The following SGIP1 variants were observed in gnomAD, a reference collection of about 807,000 sequenced individuals.
The protein encoded by SGIP1 is SH3GL interacting endocytic adaptor 1, also known as SH3-containing GRB2-like protein 3-interacting protein 1.
SGIP1 carries 38 observed loss-of-function variants against 107.5 expected under a neutral mutation model. That is an observed-to-expected ratio of 0.35 (90% CI 0.27 to 0.46). The LOEUF (loss-of-function observed/expected upper bound fraction) is 0.46. Ranked by LOEUF, SGIP1 falls within the 20% of genes least tolerant of loss-of-function variation. The pLI is 1.00. For synonymous variants in SGIP1, 365 were observed against 366.1 expected (o/e 1.00, Z 0.03); for missense variants, 929 against 1,019.5 (o/e 0.91, Z 1.21).
At chr1:66,677,117 G>A in intron 13 of SGIP1, 21 bp downstream of exon 13, 1 of 1,591,902 alleles carries the variant, frequency 6.3e-7, no homozygotes, top group South Asian at 1.1e-5. Context: ...TGTCTGCTCT[G>A]TCTGGAAAAA....
intron 2 of SGIP1, among the ~76,000 whole-genome samples, chr1:66,631,071 GAA>G (rs1558136861): frequency 1.4e-5 from 2 of 140,024 alleles, no homozygotes; most frequent in African/African-American, 5.0e-5. Context: ...AAGAAAGAAA[GAA>G]AGAAAGAAAG....
chr1:66,603,939 G>A (rs998384065), intron 1 of SGIP1, among the ~76,000 whole-genome samples: 5 of 152,166 alleles, frequency 3.3e-5, no homozygotes, highest in South Asian at 2.1e-4. Flanking sequence ...ACTAAGAATC[G>A]GAAAAGAGTC....
Position 66,690,250 on chromosome 1 carries a change from C to T in SGIP1, c.1504C>T (p.Arg502Trp), listed in dbSNP as rs779386487. ...SSPPPIAPLA[R>W]AESTSSISST... is the part of the protein sequence containing the mutation. ...CCCTCCTCCAATAGCACCCTTAGCG[C>T]GGGCTGAAAGCACTTCTTCAATATC... Residue 502 changes from arginine (R) to tryptophan (W), a missense_variant, in exon 17 of 25, where the codon CGG becomes TGG. Arg to Trp is a moderately radical substitution (Grantham distance 101). This residue lies in a region of SGIP1 where 341 missense variants were observed against 430.9 expected (regional missense o/e 0.79). Coordinates refer to ENST00000371037, the MANE Select transcript of SGIP1 (RefSeq NM_032291.4). 2 of 1,614,180 alleles carry T rather than the reference C, an allele frequency of 1.2e-6. No homozygotes were observed. Among genetic ancestry groups the T allele is most frequent in the Non-Finnish European group, 8.5e-7 (1 of 1,180,004 alleles).
In SGIP1 at chr1:66,747,907, T is replaced by G. The variant is rs1038857234; in HGVS notation, c.*4812T>G. The G allele has an allele frequency of 2.0e-5, 3 of 151,988 alleles. No individual in the cohort carries two copies. Among genetic ancestry groups the G allele is most frequent in the African/African-American group, 7.2e-5 (3 of 41,426 alleles). 9.4% of individuals were successfully genotyped at this position (151,988 alleles called of 1,614,324 possible). On this transcript the variant is annotated 3_prime_UTR_variant, in exon 25 of 25. Coordinates refer to ENST00000371037, the MANE Select transcript of SGIP1 (RefSeq NM_032291.4). ...CAGCAATTTTTTTAAAAAATGGAAGTGTTACATTATATTTAATAATATCAA... is the reference window on the plus strand; with the variant it reads ...CAGCAATTTTTTTAAAAAATGGAAGGGTTACATTATATTTAATAATATCAA...
intron 21 of SGIP1, among the ~76,000 whole-genome samples, chr1:66,737,915 G>A (rs554956976): frequency 2.0e-5 from 3 of 152,098 alleles, no homozygotes; most frequent in Non-Finnish European, 4.4e-5. Context: ...TTTCTGGCCC[G>A]ATAGCATCCC....
In SGIP1 at chr1:66,750,034, GGGGTGTGTGTGT is replaced by G. The variant is rs1305848616; in HGVS notation, c.*6941_*6952del. On this transcript the variant is annotated 3_prime_UTR_variant, in exon 25 of 25. Coordinates refer to ENST00000371037, the MANE Select transcript of SGIP1 (RefSeq NM_032291.4). Reference sequence around the variant, plus strand: ...CTCTCTCTTTCTCTGTGTGTGTGTGGGGGTGTGTGTGTGTGTGTGTGTGTGTGTGTGTGTCTC... The same window carrying G: ...CTCTCTCTTTCTCTGTGTGTGTGTGGGTGTGTGTGTGTGTGTGTGTGTCTC... 1.3e-3 allele frequency among the ~76,000 whole-genome samples: 116 copies of G among 92,128 alleles called. No individual in the cohort carries two copies. The Middle Eastern group carries it at 0.016, about 12-fold the overall frequency. 60.4% of individuals were successfully genotyped at this position (92,128 alleles called of 152,430 possible).
rs115123052 is a variant in SGIP1, at chr1:66,651,241, T to C, written c.459+7522T>C. ...GTGATGAATTTGGTAGTGGCAGCTG[T>C]GAACACGAGTGCTGTGTGTCACATA... On this transcript the variant is annotated intron_variant, in intron 7 of 24. Coordinates refer to ENST00000371037, the MANE Select transcript of SGIP1 (RefSeq NM_032291.4). Among the ~76,000 whole-genome samples, 1,040 of 152,314 alleles carry C rather than the reference T, an allele frequency of 6.8e-3. 8 individuals carry two copies. Among genetic ancestry groups the C allele is most frequent in the African/African-American group, 0.021 (893 of 41,568 alleles).
At chr1:66,536,784 G>A (rs1259202434) in intron 1 of SGIP1, among the ~76,000 whole-genome samples, 2 of 152,128 alleles carry the variant, frequency 1.3e-5, no homozygotes, top group Admixed American at 6.5e-5. Flanking sequence ...CACACACAGA[G>A]TCATCCACCC....
intron 1 of SGIP1, among the ~76,000 whole-genome samples, chr1:66,588,322 G>A (rs1465993069): frequency 1.3e-5 from 2 of 152,076 alleles, no homozygotes; most frequent in Non-Finnish European, 2.9e-5. Flanking sequence ...CTGACTCACT[G>A]TAGTATCTCT....
chr1:66,534,420 A>G (rs1445578), intron 1 of SGIP1, 52 bp downstream of exon 1: 285,357 of 1,606,328 alleles, frequency 0.18, 26,555 homozygotes, highest in East Asian at 0.35. Flanking sequence ...TTTGGGCAGA[A>G]CAGCATTAAA....
At chr1:66,589,163 CATATATATATATATATATATATAT>C (rs55788345) in intron 1 of SGIP1, among the ~76,000 whole-genome samples, 807 of 69,826 alleles carry the variant, frequency 0.012, 23 homozygotes, top group African/African-American at 0.026. Context: ...TAAAAGTTTA[CATATATATATATATATATATATAT>C]ATATATATAT....
chr1:66,565,066 A>C (rs948626242), intron 1 of SGIP1, among the ~76,000 whole-genome samples: 22 of 151,920 alleles, frequency 1.4e-4, no homozygotes, highest in African/African-American at 5.3e-4. Context: ...GTAGATGTAA[A>C]ACCAGGACCC....
At chr1:66,566,966 G>T (rs1266817101) in intron 1 of SGIP1, among the ~76,000 whole-genome samples, 1 of 151,936 alleles carries the variant, frequency 6.6e-6, no homozygotes, top group Non-Finnish European at 1.5e-5. Context: ...GCAGTGTTTT[G>T]TTTTCTGTTC....
intron 18 of SGIP1, among the ~76,000 whole-genome samples, chr1:66,702,013 A>C (rs2091969309): frequency 6.6e-6 from 1 of 152,182 alleles, no homozygotes; most frequent in African/African-American, 2.4e-5. Flanking sequence ...TGGATTCAGC[A>C]TATCTGGGGT....
chr1:66,641,430 A>G (rs1017028168), intron 5 of SGIP1, among the ~76,000 whole-genome samples: 9 of 151,988 alleles, frequency 5.9e-5, no homozygotes, highest in Admixed American at 1.3e-4. Flanking sequence ...CTAACTCTCC[A>G]ACTCTGCCTT....
rs1163253482 is a variant in SGIP1, at chr1:66,687,295, CA to C, written c.1316-1852del. Among the ~76,000 whole-genome samples, 15 of 129,762 alleles carry C rather than the reference CA, an allele frequency of 1.2e-4. No homozygotes were observed. In the East Asian group the frequency reaches 6.9e-3, roughly 60 times the overall value. The allele number at this position is 129,762 out of a possible 152,430, so 85.1% of individuals were successfully genotyped here. On this transcript the variant is annotated intron_variant, in intron 15 of 24. Transcript: ENST00000371037. Reference sequence around the variant, plus strand: ...AATAGAACACCTCCTCCTCCATCAACACCAAAAAAAAAAAAAAATGTCCTGA... The same window carrying C: ...AATAGAACACCTCCTCCTCCATCAACCCAAAAAAAAAAAAAAATGTCCTGA...
intron 1 of SGIP1, among the ~76,000 whole-genome samples, chr1:66,587,404 G>C (rs766078398): frequency 6.6e-6 from 1 of 151,124 alleles, no homozygotes; most frequent in African/African-American, 2.4e-5. Context: ...TTCTGATTTG[G>C]TAATTTCTAT....
In SGIP1 at chr1:66,633,088, T is replaced by A; in HGVS notation, c.93T>A (p.Asp31Glu). The A allele has an allele frequency of 1.3e-6, 2 of 1,536,136 alleles. No homozygotes were observed. The highest frequency in any genetic ancestry group is 1.8e-6 in the Non-Finnish European group (2 of 1,110,388). ...DTDSTGSPDR[D>E]GIQPSPHEPP... The stretch of plus-strand genomic sequence containing the variant: ...GTTACAGAGGTTCACCAGATAGAGA[T>A]GGAATTGTAAGTATTTAAATAACCA... The change falls in exon 3 of 25, where the codon GAT (aspartate) becomes GAA (glutamate). Residue 31 changes from aspartate to glutamate, a missense_variant. Asp to Glu is a conservative substitution (Grantham distance 45, BLOSUM62 2). This residue lies in a region of SGIP1 where 588 missense variants were observed against 588.6 expected (regional missense o/e 1.00). Transcript: ENST00000371037.
intron 18 of SGIP1, 79 bp downstream of exon 18, chr1:66,695,572 A>G (rs2090752113): frequency 7.1e-7 from 1 of 1,413,584 alleles, no homozygotes; most frequent in Admixed American, 1.8e-5. Context: ...TCCAAATCCC[A>G]GTTCTCTTCA....
Sources: allele counts gnomAD v4.1 joint callset (sites outside exome capture counted in the v4.1 genomes callset), GRCh38; gene constraint gnomAD v4.1.1; regional missense constraint gnomAD v4.1.1; transcripts MANE v1.5; gene names NCBI Gene and HGNC (gene_info 2026-07-23, HGNC 2026-07-21).